The following GPR158 variants were observed in gnomAD, a reference collection of about 807,000 sequenced individuals.
GPR158 encodes G protein-coupled receptor 158, also known as metabotropic glycine receptor.
GPR158 carries 30 observed loss-of-function variants against 78.2 expected under a neutral mutation model. The ratio of observed to expected loss-of-function variants is 0.38; its 90% CI spans 0.29 to 0.52. GPR158 has a LOEUF of 0.52. GPR158 is among the 20% of genes least tolerant of loss of function. The pLI, the probability that GPR158 is intolerant of heterozygous loss-of-function variation, is 0.83. For synonymous variants in GPR158, 581 were observed against 591.1 expected (o/e 0.98, Z 0.25); for missense variants, 1,463 against 1,523.5 (o/e 0.96, Z 0.66).
chr10:25,472,715 A>G (rs149572965), intron 5 of GPR158, among the ~76,000 whole-genome samples: 3 of 152,158 alleles, frequency 2.0e-5, no homozygotes, highest in Admixed American at 6.5e-5. Flanking sequence ...ATTTTATTCT[A>G]TTTGAAGCAT....
At chr10:25,248,598 C>CA (rs1221914950) in intron 2 of GPR158, among the ~76,000 whole-genome samples, 2 of 151,250 alleles carry the variant, frequency 1.3e-5, no homozygotes. Context: ...TTGTTTTTCT[C>CA]AGGTTTGTCA....
chr10:25,187,174 C>G (rs896510725), intron 1 of GPR158, among the ~76,000 whole-genome samples: 22 of 151,802 alleles, frequency 1.4e-4, no homozygotes, highest in African/African-American at 5.3e-4. Context: ...ACTGTGTTAG[C>G]CAGGATGGTC....
intron 2 of GPR158, among the ~76,000 whole-genome samples, chr10:25,266,322 T>G (rs1297029164): frequency 3.3e-5 from 5 of 152,188 alleles, no homozygotes; most frequent in African/African-American, 1.2e-4. Context: ...CATCACTTTA[T>G]GCCTAGTGTT....
At chr10:25,413,465 G>A (rs998450831) in intron 4 of GPR158, among the ~76,000 whole-genome samples, 1 of 152,220 alleles carries the variant, frequency 6.6e-6, no homozygotes, top group African/African-American at 2.4e-5. Flanking sequence ...TATGTAGCCA[G>A]TGTTGTATTC....
chr10:25,342,487 T>C (rs1050121736), intron 2 of GPR158, among the ~76,000 whole-genome samples: 1 of 152,032 alleles, frequency 6.6e-6, no homozygotes, highest in Non-Finnish European at 1.5e-5. Context: ...ATTATTGTTT[T>C]TATAAGAAAA....
intron 5 of GPR158, among the ~76,000 whole-genome samples, chr10:25,536,353 T>G (rs1157568065): frequency 2.6e-5 from 4 of 152,192 alleles, no homozygotes; most frequent in Admixed American, 6.5e-5. Flanking sequence ...TAATTAAGTA[T>G]TTCCAAGTGT....
chr10:25,515,684 A>G (rs1564476628), intron 5 of GPR158, among the ~76,000 whole-genome samples: 2 of 148,514 alleles, frequency 1.3e-5, no homozygotes, highest in African/African-American at 2.5e-5. Context: ...CCATGTCCCT[A>G]CAAAGGACAT....
In GPR158 at chr10:25,551,750, A is replaced by T. The variant is rs35559047; in HGVS notation, c.1514+665A>T. 7.2e-3 allele frequency among the ~76,000 whole-genome samples: 1,093 copies of T among 152,288 alleles called. 9 individuals carry two copies. Among genetic ancestry groups the T allele is most frequent in the Middle Eastern group, 0.024 (7 of 294 alleles). On this transcript the variant is annotated intron_variant, in intron 6 of 10. Transcript: ENST00000376351. ...GGGCGCTCTCTTGCCTCCTTTTTCC[A>T]GGTTTAAAGAAAGTCTCAATTAAGT...
intron 4 of GPR158, among the ~76,000 whole-genome samples, chr10:25,431,495 C>A (rs1353598269): frequency 7.0e-6 from 1 of 142,034 alleles, no homozygotes; most frequent in African/African-American, 2.6e-5. Context: ...TTGACCCAGC[C>A]ATCCCATTAC....
At chr10:25,238,562 T>C (rs768700244) in intron 2 of GPR158, among the ~76,000 whole-genome samples, 1 of 152,220 alleles carries the variant, frequency 6.6e-6, no homozygotes, top group Non-Finnish European at 1.5e-5. Context: ...TTTAACTGCT[T>C]ATGATAACTC....
chr10:25,431,837 C>T lies in GPR158; in HGVS notation c.1335+19364C>T, dbSNP rs1020744773. On this transcript the variant is annotated intron_variant, in intron 4 of 10. Transcript: ENST00000376351. ...GAACACATGGACACAGGAAGGGGAA[C>T]ATCACACTCTGGGGACTGTTGTGGG... Among the ~76,000 whole-genome samples the T allele has an allele frequency of 3.9e-5, 6 of 152,206 alleles. No homozygotes were observed. In the East Asian group the frequency reaches 7.7e-4, roughly 20 times the overall value.
rs1260839261 is a variant in GPR158 at position 25,241,353 on chromosome 10, T to TTC, written c.1008+20198_1008+20199dup. Among the ~76,000 whole-genome samples, 187 of 132,022 alleles carry TTC rather than the reference T, an allele frequency of 1.4e-3. 5 individuals are homozygous for TTC. The highest frequency in any genetic ancestry group is 5.7e-3 in the African/African-American group (168 of 29,498). 86.6% of individuals were successfully genotyped at this position (132,022 alleles called of 152,430 possible). A position where few individuals can be genotyped will look rare whatever the true frequency, so the allele number is the denominator to read the frequency against. ...TCTCTTCTCTTTTCTCTTTTCTCTT[T>TTC]TCTTTTCTCTTTTCTTTTCTCTCTT... On this transcript the variant is annotated intron_variant, in intron 2 of 10. Transcript: ENST00000376351.
At chr10:25,444,213 T>C (rs1835107142) in intron 4 of GPR158, among the ~76,000 whole-genome samples, 1 of 150,112 alleles carries the variant, frequency 6.7e-6, no homozygotes, top group Non-Finnish European at 1.5e-5. Context: ...CCTGAATACT[T>C]CAGAGAGCAG....
chr10:25,392,471 A>G lies in GPR158; in HGVS notation c.1009-3440A>G, dbSNP rs117469613. Among the ~76,000 whole-genome samples the G allele has an allele frequency of 4.3e-4, 65 of 152,348 alleles. 1 individual carries two copies. In the East Asian group the frequency reaches 0.011, roughly 25 times the overall value. On this transcript the variant is annotated intron_variant, in intron 2 of 10. Transcript: ENST00000376351. ...CAGGCCGAGGAGCCACTGGCCACAGAGGTTTCTGGCTGGCAAAATGACACT... is the reference window on the plus strand; with the variant it reads ...CAGGCCGAGGAGCCACTGGCCACAGGGGTTTCTGGCTGGCAAAATGACACT...
chr10:25,176,333 C>A lies in GPR158; in HGVS notation c.902+11C>A. The A allele has an allele frequency of 6.4e-7, 1 of 1,556,996 alleles. No individual in the cohort carries two copies. The highest frequency in any genetic ancestry group is 1.2e-5 in the South Asian group (1 of 81,924). On this transcript the variant is annotated intron_variant, in intron 1 of 10. Transcript: ENST00000376351. This position sits in a 1 kb window ranked among gnomAD's most constrained non-coding sequence, Gnocchi z 6.3. The stretch of plus-strand genomic sequence containing the variant: ...GGTCCCGGAATTCAGGTAGGGAGGG[C>A]CGGGGGGCAGGGGGGAAGGCAAAAG...
rs185804111 is a variant in GPR158 at position 25,453,988 on chromosome 10, A to G, written c.1336-12663A>G. Among the ~76,000 whole-genome samples the G allele has an allele frequency of 2.6e-4, 40 of 152,212 alleles. No homozygotes were observed. In the East Asian group the frequency reaches 7.3e-3, roughly 28 times the overall value. On this transcript the variant is annotated intron_variant, in intron 4 of 10. Coordinates refer to ENST00000376351, the MANE Select transcript of GPR158 (RefSeq NM_020752.3). ...AACAATGTCATTGGAATTTTGATAG[A>G]GATTGCATTGAATCTGTAGATTACT...
chr10:25,229,034 C>CA (rs767651286), intron 2 of GPR158, among the ~76,000 whole-genome samples: 22,940 of 88,498 alleles, frequency 0.26, 2,878 homozygotes, highest in African/African-American at 0.44. Context: ...GACTCAATGT[C>CA]AAAAAAAAAA....
At chr10:25,474,815 T>G (rs1835559882) in intron 5 of GPR158, among the ~76,000 whole-genome samples, 1 of 152,150 alleles carries the variant, frequency 6.6e-6, no homozygotes, top group African/African-American at 2.4e-5. Flanking sequence ...CCTACTGTCC[T>G]GTTGAAGCAC....
At chr10:25,206,442 T>A (rs1244060955) in intron 1 of GPR158, among the ~76,000 whole-genome samples, 1 of 152,182 alleles carries the variant, frequency 6.6e-6, no homozygotes. Flanking sequence ...TTTCTAGTTT[T>A]AAAGTTTAAC....
Sources: gnomAD v4.1 joint callset for allele counts (sites outside exome capture counted in the v4.1 genomes callset) on GRCh38, gnomAD v4.1.1 for gene constraint, Gnocchi (gnomAD v3.1) non-coding constraint, MANE v1.5 for transcripts, NCBI Gene and HGNC (gene_info 2026-07-23, HGNC 2026-07-21) for gene names.